RAPGEF6: variants seen among roughly 807,000 people sequenced by gnomAD.
RAPGEF6 encodes Rap guanine nucleotide exchange factor 6, also known as PDZ domain containing guanine nucleotide exchange factor (GEF) 2.
RAPGEF6 carries 56 observed loss-of-function variants against 171.4 expected under a neutral mutation model. The ratio of observed to expected loss-of-function variants is 0.33; its 90% CI spans 0.26 to 0.41. The LOEUF (loss-of-function observed/expected upper bound fraction) is 0.41. Among genes scored for constraint, RAPGEF6 ranks in the 10% least tolerant of loss-of-function variants. The probability of loss-of-function intolerance (pLI) is 1.00; values close to 1 mark genes in which losing one functional copy is unlikely to be tolerated. For missense variants in RAPGEF6, 1,674 were observed against 1,921.4 expected (o/e 0.87, Z 2.41); for synonymous variants, 692 against 650.1 (o/e 1.06, Z -0.98).
At chr5:131,604,171 C>T (rs1308042971) in intron 2 of RAPGEF6, among the ~76,000 whole-genome samples, 1 of 152,038 alleles carries the variant, frequency 6.6e-6, no homozygotes, top group Non-Finnish European at 1.5e-5. Flanking sequence ...CATACCATAC[C>T]CAGCTGAAGC....
At chr5:131,537,913 T>A (rs953605536) in intron 6 of RAPGEF6, among the ~76,000 whole-genome samples, 2 of 125,276 alleles carry the variant, frequency 1.6e-5, no homozygotes, top group African/African-American at 6.4e-5. Flanking sequence ...AAAAACATGA[T>A]GAAACTCCGT....
chr5:131,437,312 T>C (rs1157840108), intron 24 of RAPGEF6, among the ~76,000 whole-genome samples: 1 of 152,294 alleles, frequency 6.6e-6, no homozygotes. Flanking sequence ...GAGTGTTGAG[T>C]GTAGATTTTG....
At chr5:131,507,209 ATATAACT>A (rs1408048295) in intron 9 of RAPGEF6, among the ~76,000 whole-genome samples, 1 of 148,046 alleles carries the variant, frequency 6.8e-6, no homozygotes, top group Non-Finnish European at 1.5e-5. Context: ...ATGTAATTAT[ATATAACT>A]TACTTATAGA....
chr5:131,632,785 A>C (rs1226822609), intron 1 of RAPGEF6, among the ~76,000 whole-genome samples: 1 of 152,194 alleles, frequency 6.6e-6, no homozygotes, highest in Non-Finnish European at 1.5e-5. Context: ...ACAAATCATC[A>C]CTAGGATTCA....
At chr5:131,493,110 G>A (rs1756399811) in intron 13 of RAPGEF6, among the ~76,000 whole-genome samples, 1 of 151,928 alleles carries the variant, frequency 6.6e-6, no homozygotes, top group East Asian at 1.9e-4. Flanking sequence ...TGTCGCCCAG[G>A]CTGGAGCACA....
intron 14 of RAPGEF6, among the ~76,000 whole-genome samples, chr5:131,490,642 T>C (rs1008255851): frequency 6.6e-5 from 10 of 152,206 alleles, no homozygotes; most frequent in African/African-American, 2.4e-4. Flanking sequence ...TCTGTGACTT[T>C]AGTATTCTGA....
chr5:131,604,625 A>T lies in RAPGEF6; in HGVS notation c.138T>A (p.Leu46=), dbSNP rs753001353. ...CTTAAATACAGAACGACACTTACCTAAGCTGATGTTCCCTGAGATTTGATA... is the reference window on the plus strand; with the variant it reads ...CTTAAATACAGAACGACACTTACCTTAGCTGATGTTCCCTGAGATTTGATA... ...EILSNLREHQ[L]RLMSARARYE... Residue 46 remains leucine (L), a splice_region_variant and synonymous_variant, in exon 2 of 28, where the codon CTT becomes CTA. Transcript: ENST00000509018. 14 of 1,611,982 alleles carry T rather than the reference A, an allele frequency of 8.7e-6. No homozygotes were observed. The highest frequency in any genetic ancestry group is 9.3e-6 in the Non-Finnish European group (11 of 1,179,056).
chr5:131,425,111 TCA>T lies in RAPGEF6; in HGVS notation c.*2153_*2154del, dbSNP rs1390363520. 1 of 152,308 alleles carries T rather than the reference TCA, an allele frequency of 6.6e-6. No homozygotes were observed. Among genetic ancestry groups the T allele is most frequent in the East Asian group, 1.9e-4 (1 of 5,334 alleles). 9.4% of individuals were successfully genotyped at this position (152,308 alleles called of 1,614,324 possible). On this transcript the variant is annotated 3_prime_UTR_variant, in exon 28 of 28. Transcript: ENST00000509018. ...CAATGTGATCAGCTGATCTGAACAC[TCA>T]CAGTTAAAGCTAGATAGATAAAACA...
At chr5:131,523,472 G>T (rs549095573) in intron 6 of RAPGEF6, among the ~76,000 whole-genome samples, 3 of 151,526 alleles carry the variant, frequency 2.0e-5, no homozygotes, top group Non-Finnish European at 2.9e-5. Context: ...GAAAAATCTA[G>T]AACTAAAATA....
intron 27 of RAPGEF6, among the ~76,000 whole-genome samples, chr5:131,428,053 C>T (rs1183796984): frequency 5.9e-5 from 9 of 151,726 alleles, no homozygotes; most frequent in East Asian, 1.9e-4. Context: ...CAGTGAGCCA[C>T]GATCATGCCA....
intron 23 of RAPGEF6, among the ~76,000 whole-genome samples, chr5:131,440,693 G>A (rs1270325748): frequency 7.5e-6 from 1 of 133,100 alleles, no homozygotes; most frequent in Admixed American, 8.9e-5. Flanking sequence ...AGCCAAGATC[G>A]CACCACTGCA....
chr5:131,430,599 TAAAAAC>T, intron 26 of RAPGEF6: 1 of 573,800 alleles, frequency 1.7e-6, no homozygotes, highest in Middle Eastern at 4.8e-4. Flanking sequence ...AAAAAGAACT[TAAAAAC>T]AAAAGACAAA....
At chr5:131,632,019 T>C (rs1766340023) in intron 1 of RAPGEF6, among the ~76,000 whole-genome samples, 1 of 140,038 alleles carries the variant, frequency 7.1e-6, no homozygotes, top group Non-Finnish European at 1.5e-5. Context: ...GAGATTGCAG[T>C]GAGCCCAGAC....
intron 6 of RAPGEF6, among the ~76,000 whole-genome samples, chr5:131,541,310 G>A (rs1375013819): frequency 6.6e-6 from 1 of 152,120 alleles, no homozygotes; most frequent in Non-Finnish European, 1.5e-5. Context: ...GATAAAAGCA[G>A]CAAGTGGCAA....
intron 1 of RAPGEF6, among the ~76,000 whole-genome samples, chr5:131,621,153 A>G (rs1202993404): frequency 6.6e-6 from 1 of 152,194 alleles, no homozygotes; most frequent in Non-Finnish European, 1.5e-5. Flanking sequence ...ATTTCTATAT[A>G]TAGTTGTTCC....
At chr5:131,464,903 A>G (rs1172888214) in intron 17 of RAPGEF6, among the ~76,000 whole-genome samples, 2 of 152,218 alleles carry the variant, frequency 1.3e-5, no homozygotes, top group Non-Finnish European at 2.9e-5. Context: ...AAATTTGGTC[A>G]CATCCTTACA....
chr5:131,592,594 T>C, intron 3 of RAPGEF6, 128 bp from the exon 4 acceptor site: 4 of 1,430,626 alleles, frequency 2.8e-6, no homozygotes, highest in African/African-American at 1.4e-5. Flanking sequence ...ACCTGGAAAT[T>C]TGGAATATTT....
rs552894477 is a variant in RAPGEF6, at chr5:131,521,283, T to C, written c.627+107A>G. The C allele has an allele frequency of 2.5e-6, 3 of 1,207,934 alleles. No individual in the cohort carries two copies. In the East Asian group the frequency reaches 8.0e-5, roughly 32 times the overall value. The allele number at this position is 1,207,934 out of a possible 1,614,324, so 74.8% of individuals were successfully genotyped here. On this transcript the variant is annotated intron_variant, in intron 7 of 27. Transcript: ENST00000509018. ...GCTTATTTTTCTAAAGACCTTACGC[T>C]TGAATTTCATACTCTAAAAGATATG...
intron 20 of RAPGEF6, among the ~76,000 whole-genome samples, chr5:131,454,536 A>C (rs577609962): frequency 1.2e-4 from 18 of 152,204 alleles, no homozygotes; most frequent in Non-Finnish European, 2.4e-4. Flanking sequence ...AAGAAAAAAC[A>C]ATGAGAACTC....
Sources: gnomAD v4.1 joint callset for allele counts (sites outside exome capture counted in the v4.1 genomes callset) on GRCh38, gnomAD v4.1.1 for gene constraint, MANE v1.5 for transcripts, NCBI Gene and HGNC (gene_info 2026-07-23, HGNC 2026-07-21) for gene names.